Variants in ZBTB20 observed in about 807,000 individuals in gnomAD.
ZBTB20 encodes zinc finger and BTB domain-containing protein 20.
A neutral mutation model predicts 56.9 loss-of-function variants in ZBTB20; 9 were observed. The ratio of observed to expected loss-of-function variants is 0.16; its 90% CI spans 0.10 to 0.28. ZBTB20 has a LOEUF of 0.28. Among genes scored for constraint, ZBTB20 ranks in the 10% least tolerant of loss-of-function variants. ZBTB20 has a pLI of 1.00. For synonymous variants in ZBTB20, 417 were observed against 420.7 expected, an observed-to-expected ratio of 0.99 and a Z score of 0.11; for missense variants, 655 against 1,003.0, an observed-to-expected ratio of 0.65 and a Z score of 4.69.
At chr3:114,554,394 C>T (rs2050946763) in intron 6 of ZBTB20, among the ~76,000 whole-genome samples, 1 of 152,112 alleles carries the variant, frequency 6.6e-6, no homozygotes, top group Admixed American at 6.6e-5. Context: ...TGAAATCCAA[C>T]TGCAAAGCAA....
chr3:114,353,324 C>T (rs2080877305), intron 10 of ZBTB20, among the ~76,000 whole-genome samples: 1 of 152,228 alleles, frequency 6.6e-6, no homozygotes, highest in Non-Finnish European at 1.5e-5. Flanking sequence ...TCCGCTCTAC[C>T]TTGCGATAGA....
intron 5 of ZBTB20, among the ~76,000 whole-genome samples, chr3:114,705,359 T>G (rs2108401790): frequency 1.3e-5 from 2 of 152,270 alleles, no homozygotes; most frequent in Admixed American, 1.3e-4. Context: ...ACTAGAGAAC[T>G]GAAATATGCA....
chr3:114,703,772 T>C (rs1053270400), intron 5 of ZBTB20, among the ~76,000 whole-genome samples: 8 of 152,212 alleles, frequency 5.3e-5, no homozygotes, highest in African/African-American at 1.4e-4. Context: ...ATGGTCACTT[T>C]AGCCTGAGAT....
chr3:115,146,978 G>GC (rs2085010755), intron 1 of ZBTB20, among the ~76,000 whole-genome samples: 2 of 150,388 alleles, frequency 1.3e-5, no homozygotes, highest in African/African-American at 4.9e-5. Flanking sequence ...AGGGCGCCGG[G>GC]GGAGGGGGCG....
chr3:115,142,811 A>T (rs2084854008), intron 1 of ZBTB20, among the ~76,000 whole-genome samples: 1 of 152,208 alleles, frequency 6.6e-6, no homozygotes, highest in South Asian at 2.1e-4. Flanking sequence ...AAAGTGCATT[A>T]ATATGTACCC....
chr3:114,723,284 T>A (rs2065041191), intron 5 of ZBTB20, among the ~76,000 whole-genome samples: 1 of 152,150 alleles, frequency 6.6e-6, no homozygotes, highest in East Asian at 1.9e-4. Flanking sequence ...ATTTTACAAA[T>A]GGTTTTCCAT....
At chr3:114,780,849 A>T (rs1008246646) in intron 5 of ZBTB20, among the ~76,000 whole-genome samples, 4 of 152,124 alleles carry the variant, frequency 2.6e-5, no homozygotes, top group African/African-American at 7.2e-5. Context: ...AGACAGGTTT[A>T]CCTCTAGGGA....
rs1454326263 is a variant in ZBTB20 at position 114,753,358 on chromosome 3, T to C, written c.-343+47743A>G. Among the ~76,000 whole-genome samples the C allele has an allele frequency of 1.5e-3, 203 of 133,770 alleles. 53 individuals are homozygous for C. Among genetic ancestry groups the C allele is most frequent in the African/African-American group, 1.7e-3 (57 of 32,826 alleles). 87.8% of individuals were successfully genotyped at this position (133,770 alleles called of 152,430 possible). On this transcript the variant is annotated intron_variant, in intron 5 of 11. Coordinates refer to ENST00000675478, the MANE Select transcript of ZBTB20 (RefSeq NM_001348800.3). The stretch of plus-strand genomic sequence containing the variant: ...ATAATGTATATATGTATACATTATA[T>C]ATAATGTATATATAATGTATATACA...
intron 2 of ZBTB20, among the ~76,000 whole-genome samples, chr3:115,058,091 A>T (rs1332081055): frequency 6.6e-6 from 1 of 152,030 alleles, no homozygotes; most frequent in African/African-American, 2.4e-5. Context: ...AGCATGAGGT[A>T]ACCACTCCCG....
At chr3:114,342,468 T>C (rs1170276966) in intron 11 of ZBTB20, among the ~76,000 whole-genome samples, 1 of 152,208 alleles carries the variant, frequency 6.6e-6, no homozygotes, top group Non-Finnish European at 1.5e-5. Context: ...TATAAGTTCC[T>C]TCACTTTAAA....
intron 4 of ZBTB20, among the ~76,000 whole-genome samples, chr3:114,840,851 T>A (rs76649638): frequency 6.6e-6 from 1 of 152,316 alleles, no homozygotes; most frequent in African/African-American, 2.4e-5. Flanking sequence ...GAGGCTCTAG[T>A]GAGAGCTATT....
chr3:114,808,408 C>A (rs772807421), intron 4 of ZBTB20, among the ~76,000 whole-genome samples: 1 of 151,904 alleles, frequency 6.6e-6, no homozygotes, highest in South Asian at 2.1e-4. Flanking sequence ...GGTATCACCA[C>A]CAACCCCATA....
intron 7 of ZBTB20, among the ~76,000 whole-genome samples, chr3:114,440,879 C>T (rs1576772712): frequency 6.6e-6 from 1 of 152,176 alleles, no homozygotes. Flanking sequence ...TGTTGAACTG[C>T]TTTAACTTGG....
In ZBTB20 at chr3:114,604,450, A is replaced by G. The variant is rs146115577; in HGVS notation, c.-295+89078T>C. 8.2e-3 allele frequency among the ~76,000 whole-genome samples: 1,251 copies of G among 152,126 alleles called. 21 individuals carry two copies. Among genetic ancestry groups the G allele is most frequent in the African/African-American group, 0.028 (1,165 of 41,566 alleles). Reference sequence around the variant, plus strand: ...TGGGGAGAAGTGAAGACGTTTTTACATAGTTTTGATTTTTGAACCCTGGAA... The same window carrying G: ...TGGGGAGAAGTGAAGACGTTTTTACGTAGTTTTGATTTTTGAACCCTGGAA... On this transcript the variant is annotated intron_variant, in intron 6 of 11. Transcript: ENST00000675478.
intron 7 of ZBTB20, among the ~76,000 whole-genome samples, chr3:114,486,777 C>G (rs1050413139): frequency 6.6e-6 from 1 of 152,036 alleles, no homozygotes; most frequent in Non-Finnish European, 1.5e-5. Context: ...TATCAAAAAG[C>G]CTAGAAATTT....
At chr3:114,614,071 A>G (rs2057746412) in intron 6 of ZBTB20, among the ~76,000 whole-genome samples, 1 of 152,192 alleles carries the variant, frequency 6.6e-6, no homozygotes, top group African/African-American at 2.4e-5. Flanking sequence ...GTGTTGTAGA[A>G]TCTACGTAGT....
chr3:114,961,559 T>A (rs2077452408), intron 3 of ZBTB20, among the ~76,000 whole-genome samples: 1 of 152,128 alleles, frequency 6.6e-6, no homozygotes, highest in Admixed American at 6.5e-5. Flanking sequence ...CTCTAATTGT[T>A]CTAATTGATG....
intron 1 of ZBTB20, among the ~76,000 whole-genome samples, chr3:115,132,899 T>C (rs1454775019): frequency 6.6e-6 from 1 of 152,234 alleles, no homozygotes; most frequent in East Asian, 1.9e-4. Context: ...GAATCATGCT[T>C]ACATTCCCAC....
intron 2 of ZBTB20, among the ~76,000 whole-genome samples, chr3:114,976,383 C>T (rs971246102): frequency 2.0e-5 from 3 of 151,990 alleles, no homozygotes; most frequent in Admixed American, 1.3e-4. Context: ...CCCAGCAGTT[C>T]GGGAGGCCGA....
Sources: gnomAD v4.1 joint callset for allele counts (sites outside exome capture counted in the v4.1 genomes callset) on GRCh38, gnomAD v4.1.1 for gene constraint, MANE v1.5 for transcripts, NCBI Gene and HGNC (gene_info 2026-07-23, HGNC 2026-07-21) for gene names.